Variants in NUBPL observed in about 807,000 individuals in gnomAD.
NUBPL encodes the protein NUBP iron-sulfur cluster assembly factor, mitochondrial, also known as iron-sulfur cluster transfer protein NUBPL.
A neutral mutation model predicts 45.7 loss-of-function variants in NUBPL; 31 were observed. That is an observed-to-expected ratio of 0.68 (90% confidence interval 0.51 to 0.92). The LOEUF (loss-of-function observed/expected upper bound fraction) is 0.92, where lower values mean the gene tolerates loss of function less well. Among genes scored for constraint, NUBPL ranks in the 40% least tolerant of loss-of-function variants. The probability of loss-of-function intolerance (pLI) is 0.00; values close to 1 mark genes in which losing one functional copy is unlikely to be tolerated. For missense variants in NUBPL, 401 were observed against 398.7 expected, an observed-to-expected ratio of 1.01 and a Z score of -0.05; for synonymous variants, 144 against 140.9, an observed-to-expected ratio of 1.02 and a Z score of -0.15.
At chr14:31,755,236 A>G (rs2038631953) in intron 6 of NUBPL, among the ~76,000 whole-genome samples, 1 of 152,090 alleles carries the variant, frequency 6.6e-6, no homozygotes, top group Admixed American at 6.6e-5. Context: ...GCTGGGTCAA[A>G]TGGTATTTCT....
intron 4 of NUBPL, among the ~76,000 whole-genome samples, chr14:31,613,942 A>C (rs1430512099): frequency 6.6e-6 from 1 of 152,044 alleles, no homozygotes. Context: ...TAAGAGATAT[A>C]TATATATATA....
rs1555332382 is a variant in NUBPL, at chr14:31,729,278, C to CT, written c.513+55704_513+55705insT. Among the ~76,000 whole-genome samples the CT allele has an allele frequency of 7.4e-5, 6 of 81,632 alleles. 1 individual carries two copies. The highest frequency in any genetic ancestry group is 1.7e-4 in the Non-Finnish European group (5 of 29,212). The allele number at this position is 81,632 out of a possible 152,430, so 53.6% of individuals were successfully genotyped here. A position where few individuals can be genotyped will look rare whatever the true frequency, so the allele number is the denominator to read the frequency against. On this transcript the variant is annotated intron_variant, in intron 6 of 10. Transcript: ENST00000281081. ...TGGGTGACAGAGAGATGCTCCATCC[C>CT]CCCCCCCCCCAAAAAAAAAGTCATT...
chr14:31,705,104 C>T (rs530485353), intron 6 of NUBPL, among the ~76,000 whole-genome samples: 1 of 152,140 alleles, frequency 6.6e-6, no homozygotes, highest in South Asian at 2.1e-4. Context: ...AGGAGTGAAG[C>T]TGCAGACCTT....
chr14:31,586,994 T>C (rs771132566), intron 3 of NUBPL, among the ~76,000 whole-genome samples: 1 of 152,176 alleles, frequency 6.6e-6, no homozygotes, highest in Non-Finnish European at 1.5e-5. Flanking sequence ...AACCTCACTT[T>C]CTAATCATGA....
chr14:31,636,713 C>T (rs552945858), intron 4 of NUBPL, among the ~76,000 whole-genome samples: 2 of 152,208 alleles, frequency 1.3e-5, no homozygotes, highest in Non-Finnish European at 2.9e-5. Flanking sequence ...GTGAATCCAT[C>T]TGGTCCTGGA....
At chr14:31,841,918 T>TTTTTTG (rs2040377317) in intron 8 of NUBPL, among the ~76,000 whole-genome samples, 1 of 74,652 alleles carries the variant, frequency 1.3e-5, no homozygotes, top group Non-Finnish European at 2.6e-5. Flanking sequence ...GATTCTGGGC[T>TTTTTTG]TTTTTTTTTT....
At position 31,787,802 on chromosome 14, in the gene NUBPL, A is replaced by G; in HGVS notation, c.536A>G (p.Tyr179Cys). 2 of 1,612,174 alleles carry G rather than the reference A, an allele frequency of 1.2e-6. No individual in the cohort carries two copies. The highest frequency in any genetic ancestry group is 1.7e-6 in the Non-Finnish European group (2 of 1,178,260). The change falls in exon 7 of 11, where the codon TAC (tyrosine) becomes TGC (cysteine). Residue 179 changes from tyrosine to cysteine, a missense_variant. Physicochemically the swap from Tyr to Cys is radical, Grantham distance 194. Transcript: ENST00000281081. The part of the protein sequence containing the change: ...LRQVDWGQLD[Y>C]LVVDMPPGTG... Reference sequence around the variant, plus strand: ...TAGGTAGATTGGGGTCAACTGGACTACTTAGTTGTAGACATGCCACCAGGA... The same window carrying G: ...TAGGTAGATTGGGGTCAACTGGACTGCTTAGTTGTAGACATGCCACCAGGA...
chr14:31,602,525 A>AT (rs772369735), intron 4 of NUBPL, among the ~76,000 whole-genome samples: 9 of 152,118 alleles, frequency 5.9e-5, no homozygotes, highest in Non-Finnish European at 1.2e-4. Flanking sequence ...AAAAGTATAT[A>AT]TATAAAAAGA....
intron 4 of NUBPL, among the ~76,000 whole-genome samples, chr14:31,665,155 T>C (rs982864546): frequency 6.6e-5 from 10 of 152,304 alleles, no homozygotes; most frequent in Admixed American, 5.9e-4. Context: ...CCCATTTTGT[T>C]AATCTTTTCA....
chr14:31,791,463 T>G (rs1461147003), intron 7 of NUBPL, among the ~76,000 whole-genome samples: 1 of 152,104 alleles, frequency 6.6e-6, no homozygotes, highest in Non-Finnish European at 1.5e-5. Context: ...ACTTTCAAAG[T>G]TTTTATGAGA....
chr14:31,590,279 C>G (rs1256054033), intron 3 of NUBPL, among the ~76,000 whole-genome samples: 2 of 152,070 alleles, frequency 1.3e-5, no homozygotes, highest in Admixed American at 1.3e-4. Flanking sequence ...TATTTACCTT[C>G]TTTCTAACTT....
At chr14:31,669,821 T>A (rs2036530977) in intron 4 of NUBPL, among the ~76,000 whole-genome samples, 1 of 146,320 alleles carries the variant, frequency 6.8e-6, no homozygotes, top group Non-Finnish European at 1.5e-5. Context: ...TTTTTTTTTT[T>A]TACGGCTGCC....
At chr14:31,654,715 T>C (rs1206049300) in intron 4 of NUBPL, among the ~76,000 whole-genome samples, 1 of 152,190 alleles carries the variant, frequency 6.6e-6, no homozygotes, top group Non-Finnish European at 1.5e-5. Context: ...GCCCCGGCTA[T>C]GGCAATTTCT....
At chr14:31,695,917 G>T (rs1043619814) in intron 6 of NUBPL, among the ~76,000 whole-genome samples, 7 of 152,046 alleles carry the variant, frequency 4.6e-5, no homozygotes, top group Admixed American at 4.6e-4. Flanking sequence ...TTTATTTTTT[G>T]GTTTCTAGTA....
chr14:31,666,263 A>ATATATATATATATATATTTATTATTT, intron 4 of NUBPL, among the ~76,000 whole-genome samples: 42 of 111,856 alleles, frequency 3.8e-4, no homozygotes, highest in African/African-American at 1.2e-3. Context: ...ATATATATAT[A>ATATATATATATATATATTTATTATTT]ATTTTATTTT....
chr14:31,780,597 G>A (rs1247559872), intron 6 of NUBPL, among the ~76,000 whole-genome samples: 2 of 151,430 alleles, frequency 1.3e-5, no homozygotes, highest in African/African-American at 4.9e-5. Flanking sequence ...ATGACTTAAC[G>A]ATTAAGACTT....
chr14:31,579,419 A>G (rs944698351), intron 3 of NUBPL, among the ~76,000 whole-genome samples: 1 of 152,318 alleles, frequency 6.6e-6, no homozygotes, highest in East Asian at 1.9e-4. Flanking sequence ...AATGAAAACT[A>G]TCATTCTGGA....
intron 6 of NUBPL, among the ~76,000 whole-genome samples, chr14:31,690,558 T>C (rs2037070534): frequency 6.6e-6 from 1 of 152,078 alleles, no homozygotes; most frequent in Non-Finnish European, 1.5e-5. Context: ...CAGGATACTC[T>C]ATGGAAAGGA....
At chr14:31,623,275 TTTTGA>T (rs1387403410) in intron 4 of NUBPL, among the ~76,000 whole-genome samples, 4 of 152,228 alleles carry the variant, frequency 2.6e-5, no homozygotes, top group Non-Finnish European at 5.9e-5. Context: ...GTTAACTTCT[TTTTGA>T]TTTTACAGAC....
Sources: gnomAD v4.1 joint callset for allele counts (sites outside exome capture counted in the v4.1 genomes callset) on GRCh38, gnomAD v4.1.1 for gene constraint, MANE v1.5 for transcripts, NCBI Gene and HGNC (gene_info 2026-07-23, HGNC 2026-07-21) for gene names.